Variants in ENTPD1 observed in about 807,000 individuals in gnomAD.
The protein encoded by ENTPD1 is ectonucleoside triphosphate diphosphohydrolase 1.
In ENTPD1, 33 loss-of-function variants were observed where a neutral mutation model predicts 57.0. That is an observed-to-expected ratio of 0.58 (90% CI 0.44 to 0.77). ENTPD1 has a LOEUF of 0.77. Ranked by LOEUF, ENTPD1 falls within the 30% of genes least tolerant of loss-of-function variation. The pLI is 0.00. For missense variants in ENTPD1, 501 were observed against 603.4 expected, an observed-to-expected ratio of 0.83 and a Z score of 1.78; for synonymous variants, 202 against 218.8, an observed-to-expected ratio of 0.92 and a Z score of 0.68.
chr10:95,865,532 T>C (rs2098472719), intron 9 of ENTPD1, among the ~76,000 whole-genome samples: 1 of 152,152 alleles, frequency 6.6e-6, no homozygotes, highest in Non-Finnish European at 1.5e-5. Context: ...ACCCCCTGTA[T>C]TAAATATGGT....
chr10:95,729,518 A>T (rs745670733), intron 1 of ENTPD1, among the ~76,000 whole-genome samples: 2 of 152,228 alleles, frequency 1.3e-5, no homozygotes, highest in African/African-American at 2.4e-5. Flanking sequence ...TAACAGCTAG[A>T]AAGCTAATTA....
At position 95,847,486 on chromosome 10, in the gene ENTPD1, C is replaced by T. The variant is rs759125058; in HGVS notation, c.854C>T (p.Pro285Leu). 1.9e-6 allele frequency: 3 copies of T among 1,614,108 alleles called. No individual in the cohort carries two copies. The Admixed American group carries it at 5.0e-5, about 27-fold the overall frequency. ...NEILRDPCFHPGYKKVVNVSD... is the reference protein window; with the variant it reads ...NEILRDPCFHLGYKKVVNVSD... ...ATTCTCAGGGACCCATGCTTTCATC[C>T]TGGATATAAGAAGGTAGTGAACGTA... The change falls in exon 7 of 10, where the codon CCT (proline) becomes CTT (leucine). Residue 285 changes from proline (P) to leucine (L), a missense_variant. Coordinates refer to ENST00000371205, the MANE Select transcript of ENTPD1 (RefSeq NM_001776.6).
chr10:95,861,460 A>G (rs2098465228), intron 8 of ENTPD1: 1 of 152,216 alleles, frequency 6.6e-6, no homozygotes, highest in Non-Finnish European at 1.5e-5. Flanking sequence ...TTCTTAAGAA[A>G]TACTATTAAT....
At chr10:95,717,180 G>C (rs995233096) in intron 1 of ENTPD1, among the ~76,000 whole-genome samples, 1 of 152,178 alleles carries the variant, frequency 6.6e-6, no homozygotes, top group African/African-American at 2.4e-5. Context: ...CTGTTTCCAT[G>C]GGACAGTGTC....
At chr10:95,862,332 T>C (rs760899553) in intron 8 of ENTPD1, among the ~76,000 whole-genome samples, 6 of 152,190 alleles carry the variant, frequency 3.9e-5, no homozygotes, top group Non-Finnish European at 5.9e-5. Context: ...GTCAAGTACA[T>C]TGTTAGAAGG....
At chr10:95,855,697 G>A (rs2098453322) in intron 7 of ENTPD1, among the ~76,000 whole-genome samples, 1 of 152,144 alleles carries the variant, frequency 6.6e-6, no homozygotes, top group Non-Finnish European at 1.5e-5. Flanking sequence ...CACTTATGAA[G>A]CTTAGGTTGG....
chr10:95,758,597 C>T (rs1218703219), intron 1 of ENTPD1, among the ~76,000 whole-genome samples: 1 of 152,180 alleles, frequency 6.6e-6, no homozygotes, highest in East Asian at 1.9e-4. Flanking sequence ...CCCTCTGCAT[C>T]ACCTTCTCTC....
In ENTPD1 at chr10:95,865,281, A is replaced by G. The variant is rs200272435; in HGVS notation, c.1326+420A>G. ...TTGGTTATTACTTCAAGGTTGACCA[A>G]TCTGAAAGCTCTGTGTGAAGAAGGG... On this transcript the variant is annotated intron_variant, in intron 9 of 9. Transcript: ENST00000371205. Among the ~76,000 whole-genome samples the G allele has an allele frequency of 3.9e-5, 6 of 152,338 alleles. No homozygotes were observed. In the East Asian group the frequency reaches 9.6e-4, roughly 24 times the overall value.
At chr10:95,755,200 G>A (rs558732402), upstream of ENTPD1, 1 of 153,454 alleles carries the variant, frequency 6.5e-6, no homozygotes, top group African/African-American at 2.4e-5. Flanking sequence ...GCAAATAAGA[G>A]AGACCATGTA....
At chr10:95,807,581 T>C (rs964330388) in intron 1 of ENTPD1, among the ~76,000 whole-genome samples, 11 of 152,170 alleles carry the variant, frequency 7.2e-5, no homozygotes, top group Non-Finnish European at 1.6e-4. Flanking sequence ...AAATCACCCA[T>C]CTTCTGGGTC....
At chr10:95,780,057 A>G (rs2098150495) in intron 1 of ENTPD1, among the ~76,000 whole-genome samples, 1 of 152,216 alleles carries the variant, frequency 6.6e-6, no homozygotes, top group Non-Finnish European at 1.5e-5. Flanking sequence ...TGAAGCTCAC[A>G]TATTGTATTT....
intron 6 of ENTPD1, 149 bp from the exon 7 acceptor site, chr10:95,847,297 C>A: frequency 1.1e-6 from 1 of 870,930 alleles, no homozygotes; most frequent in Non-Finnish European, 1.9e-6. Flanking sequence ...CATATTTATT[C>A]CTAAGGGTAA....
intron 2 of ENTPD1, among the ~76,000 whole-genome samples, chr10:95,825,366 GA>G (rs1285038730): frequency 6.6e-6 from 1 of 152,044 alleles, no homozygotes; most frequent in East Asian, 1.9e-4. Context: ...TCTAGAATAA[GA>G]AACAAAAAAA....
At chr10:95,738,271 C>T (rs989528272) in intron 1 of ENTPD1, among the ~76,000 whole-genome samples, 2 of 152,152 alleles carry the variant, frequency 1.3e-5, no homozygotes, top group Non-Finnish European at 2.9e-5. Flanking sequence ...GCATGGTTGT[C>T]TGGTGATTAG....
chr10:95,839,534 G>T, intron 2 of ENTPD1, 157 bp from the exon 3 acceptor site: 2 of 765,516 alleles, frequency 2.6e-6, no homozygotes, highest in South Asian at 2.9e-5. Flanking sequence ...TGTCCTGGTA[G>T]ATCTTGTGAT....
chr10:95,767,023 G>A (rs1174788916), intron 1 of ENTPD1, among the ~76,000 whole-genome samples: 1 of 151,900 alleles, frequency 6.6e-6, no homozygotes, highest in African/African-American at 2.4e-5. Context: ...AGGGCTACAG[G>A]CGTGCACCAC....
intron 1 of ENTPD1, among the ~76,000 whole-genome samples, chr10:95,799,267 T>C (rs572628378): frequency 6.6e-6 from 1 of 152,288 alleles, no homozygotes; most frequent in African/African-American, 2.4e-5. Flanking sequence ...CTCCCATTGG[T>C]TATTTTTCCT....
At chr10:95,811,797 A>C (rs1451348275) in intron 1 of ENTPD1, among the ~76,000 whole-genome samples, 1 of 152,244 alleles carries the variant, frequency 6.6e-6, no homozygotes, top group African/African-American at 2.4e-5. Flanking sequence ...TGAATGTGGT[A>C]GAATTTATAT....
Position 95,791,153 on chromosome 10 carries a change from C to T in ENTPD1, c.17-32084C>T, listed in dbSNP as rs1204810946. On this transcript the variant is annotated intron_variant, in intron 1 of 9. Transcript: ENST00000371205. The surrounding 1 kb of genome is among the most constrained non-coding windows in gnomAD (Gnocchi z 4.1). ...TAGGTTTTACTAGACCCGTAGCCCTCAGTATGAGTATCTAAAATGATGAGT... is the reference window on the plus strand; with the variant it reads ...TAGGTTTTACTAGACCCGTAGCCCTTAGTATGAGTATCTAAAATGATGAGT... Among the ~76,000 whole-genome samples the T allele has an allele frequency of 3.3e-5, 5 of 152,092 alleles. No individual in the cohort carries two copies. The highest frequency in any genetic ancestry group is 5.9e-5 in the Non-Finnish European group (4 of 68,008).
Sources: gnomAD v4.1 joint callset for allele counts (sites outside exome capture counted in the v4.1 genomes callset) on GRCh38, gnomAD v4.1.1 for gene constraint, Gnocchi (gnomAD v3.1) non-coding constraint, MANE v1.5 for transcripts, NCBI Gene and HGNC (gene_info 2026-07-23, HGNC 2026-07-21) for gene names.